Variants in NLGN1 observed in about 807,000 individuals in gnomAD.
NLGN1 encodes the protein neuroligin 1, also known as neuroligin-1.
Under a neutral mutation model 65.5 loss-of-function variants are expected in NLGN1, and 12 were observed. That is an observed-to-expected ratio of 0.18 (90% CI 0.12 to 0.30). The LOEUF (loss-of-function observed/expected upper bound fraction) is 0.30. Among genes scored for constraint, NLGN1 ranks in the 10% least tolerant of loss-of-function variants. The pLI is 1.00. For missense variants in NLGN1, 750 were observed against 1,007.1 expected (o/e 0.74, Z 3.46); for synonymous variants, 350 against 359.5 (o/e 0.97, Z 0.30).
At chr3:173,854,452 C>G (rs2150757662) in intron 4 of NLGN1, among the ~76,000 whole-genome samples, 1 of 152,032 alleles carries the variant, frequency 6.6e-6, no homozygotes, top group South Asian at 2.1e-4. Context: ...TGAATCTATT[C>G]TCAGCTTTCT....
At chr3:173,615,366 TGTTCTTTGCCCTCAG>T (rs1419050223) in intron 3 of NLGN1, among the ~76,000 whole-genome samples, 1 of 152,136 alleles carries the variant, frequency 6.6e-6, no homozygotes, top group Non-Finnish European at 1.5e-5. Flanking sequence ...GGGAAAGAGA[TGTTCTTTGCCCTCAG>T]AGGGTTTATT....
intron 3 of NLGN1, among the ~76,000 whole-genome samples, chr3:173,683,100 ATTTC>A (rs547975559): frequency 2.0e-5 from 3 of 152,144 alleles, no homozygotes; most frequent in South Asian, 2.1e-4. Context: ...AAATTTAAAT[ATTTC>A]TTTCTCCCAT....
At chr3:173,529,885 T>C (rs900360759) in intron 2 of NLGN1, among the ~76,000 whole-genome samples, 1 of 151,522 alleles carries the variant, frequency 6.6e-6, no homozygotes, top group African/African-American at 2.4e-5. Context: ...CTGGGTGGAG[T>C]GGTCAGGTGT....
exon 7 of NLGN1, chr3:174,284,259 T>A (rs931414229): frequency 1.3e-5 from 2 of 151,366 alleles, no homozygotes; most frequent in Non-Finnish European, 3.0e-5. Context: ...GTTTTATAAT[T>A]GCAGTCTCTA....
At chr3:173,700,927 C>A (rs1217743235) in intron 3 of NLGN1, among the ~76,000 whole-genome samples, 1 of 152,036 alleles carries the variant, frequency 6.6e-6, no homozygotes, top group African/African-American at 2.4e-5. Flanking sequence ...AGATCGAGAC[C>A]ATCCTGGCTA....
chr3:173,520,461 CACTA>C (rs1419889568), intron 2 of NLGN1, among the ~76,000 whole-genome samples: 1 of 152,160 alleles, frequency 6.6e-6, no homozygotes, highest in Non-Finnish European at 1.5e-5. Flanking sequence ...GTAAAGCCCA[CACTA>C]GAAAACAAGT....
chr3:173,760,011 C>T (rs1256413469), intron 3 of NLGN1, among the ~76,000 whole-genome samples: 2 of 151,806 alleles, frequency 1.3e-5, no homozygotes, highest in Middle Eastern at 3.2e-3. Context: ...CCTTTTCAAA[C>T]GAATTGAAAT....
At chr3:173,523,469 A>G (rs535760902) in intron 2 of NLGN1, among the ~76,000 whole-genome samples, 1 of 151,854 alleles carries the variant, frequency 6.6e-6, no homozygotes, top group African/African-American at 2.4e-5. Flanking sequence ...ATTCTTTTGC[A>G]TATGGCTAGC....
rs1319393332 is a variant in NLGN1, at chr3:173,983,092, GTTC to G, written c.646+175265_646+175267del. On this transcript the variant is annotated intron_variant, in intron 4 of 6. Coordinates refer to ENST00000457714, the Ensembl canonical transcript of NLGN1. ...TAAGTTTAAAAATACAAGTTTTCGA[GTTC>G]TTCTGTTTTTTCTTCATTATTTTGG... Among the ~76,000 whole-genome samples, 27 of 152,108 alleles carry G rather than the reference GTTC, an allele frequency of 1.8e-4. 1 individual carries two copies. The highest frequency in any genetic ancestry group is 1.0e-3 in the Admixed American group (16 of 15,272).
chr3:173,786,085 G>A (rs1781909762), intron 3 of NLGN1, among the ~76,000 whole-genome samples: 2 of 152,114 alleles, frequency 1.3e-5, no homozygotes, highest in South Asian at 4.1e-4. Context: ...CAACCTCAGA[G>A]GATAAGAGGG....
At chr3:174,264,638 G>A (rs1470805842) in intron 4 of NLGN1, among the ~76,000 whole-genome samples, 3 of 150,024 alleles carry the variant, frequency 2.0e-5, no homozygotes, top group Non-Finnish European at 4.4e-5. Flanking sequence ...ATGTCCTCCC[G>A]CAGCTCAGAG....
chr3:174,217,527 G>T (rs1737840705), intron 4 of NLGN1, among the ~76,000 whole-genome samples: 1 of 152,080 alleles, frequency 6.6e-6, no homozygotes, highest in South Asian at 2.1e-4. Flanking sequence ...CTGACTTATT[G>T]TATCCTCACA....
chr3:173,559,543 G>T (rs1399127194), intron 2 of NLGN1, among the ~76,000 whole-genome samples: 2 of 152,090 alleles, frequency 1.3e-5, no homozygotes, highest in East Asian at 1.9e-4. Context: ...CAGAATATTA[G>T]AATTTTTAAA....
chr3:174,200,676 G>A (rs1734282194), intron 4 of NLGN1, among the ~76,000 whole-genome samples: 1 of 152,276 alleles, frequency 6.6e-6, no homozygotes, highest in Non-Finnish European at 1.5e-5. Context: ...ACATCACAAA[G>A]CAATAATATT....
At chr3:174,069,438 A>G (rs891961963) in intron 4 of NLGN1, among the ~76,000 whole-genome samples, 1 of 152,214 alleles carries the variant, frequency 6.6e-6, no homozygotes, top group Non-Finnish European at 1.5e-5. Flanking sequence ...AGGATATTGC[A>G]GTGACGGGAA....
At chr3:173,411,643 T>C (rs1712573472) in intron 1 of NLGN1, among the ~76,000 whole-genome samples, 1 of 152,134 alleles carries the variant, frequency 6.6e-6, no homozygotes, top group African/African-American at 2.4e-5. Context: ...CTTTTGTGTA[T>C]ATGAAGTGAG....
chr3:174,180,738 A>G (rs993666760), intron 4 of NLGN1: 6 of 152,118 alleles, frequency 3.9e-5, no homozygotes, highest in Non-Finnish European at 5.9e-5. Context: ...AGCATGATCA[A>G]CTGAAATGCT....
chr3:173,421,995 A>G (rs76571643), intron 1 of NLGN1, among the ~76,000 whole-genome samples: 2,139 of 152,304 alleles, frequency 0.014, 25 homozygotes, highest in Non-Finnish European at 0.022. Context: ...ACAATGTTTA[A>G]TGATCAAATC....
intron 4 of NLGN1, among the ~76,000 whole-genome samples, chr3:173,993,365 T>G (rs1721538136): frequency 6.6e-6 from 1 of 152,230 alleles, no homozygotes; most frequent in African/African-American, 2.4e-5. Context: ...CACTAAATAG[T>G]GCATTTTCGG....
Sources: allele counts gnomAD v4.1 joint callset (sites outside exome capture counted in the v4.1 genomes callset), GRCh38; gene constraint gnomAD v4.1.1; transcripts MANE v1.5; gene names NCBI Gene and HGNC (gene_info 2026-07-23, HGNC 2026-07-21).